The following PSMG2 variants were observed in gnomAD, a reference collection of about 807,000 sequenced individuals.
The protein encoded by PSMG2 is CD40 ligand-activated specific transcript 3.
In PSMG2, 21 loss-of-function variants were observed where a neutral mutation model predicts 31.5. The observed-to-expected ratio is 0.67, with a 90% CI of 0.47 to 0.96. The LOEUF (loss-of-function observed/expected upper bound fraction) is 0.96. Ranked by LOEUF, PSMG2 falls within the 40% of genes least tolerant of loss-of-function variation. PSMG2 has a pLI of 0.00. For synonymous variants in PSMG2, 120 were observed against 110.4 expected, an observed-to-expected ratio of 1.09 and a Z score of -0.54; for missense variants, 318 against 321.2, an observed-to-expected ratio of 0.99 and a Z score of 0.08.
intron 2 of PSMG2, among the ~76,000 whole-genome samples, chr18:12,707,707 A>G (rs1392141317): frequency 6.6e-6 from 1 of 152,220 alleles, no homozygotes; most frequent in African/African-American, 2.4e-5. Context: ...TTTGATGGCT[A>G]ACTGTTCTGG....
rs544042587 is a variant in PSMG2 at position 12,725,734 on chromosome 18, T to A, written c.*203T>A. On this transcript the variant is annotated 3_prime_UTR_variant, in exon 7 of 7. Coordinates refer to ENST00000317615, the MANE Select transcript of PSMG2 (RefSeq NM_020232.5). Reference sequence around the variant, plus strand: ...TTTTGTACAATAAAATTTTATTTCCTAAGTAATTTTGTCTTAAATGTATTT... The same window carrying A: ...TTTTGTACAATAAAATTTTATTTCCAAAGTAATTTTGTCTTAAATGTATTT... 4.8e-6 allele frequency: 2 copies of A among 417,792 alleles called. No individual in the cohort carries two copies. Among genetic ancestry groups the A allele is most frequent in the African/African-American group, 4.1e-5 (2 of 48,668 alleles). The allele number at this position is 417,792 out of a possible 1,614,324, so 25.9% of individuals were successfully genotyped here.
At chr18:12,704,002 TTGGAGTGGTATAAGGC>T (rs1367584613) in intron 1 of PSMG2, among the ~76,000 whole-genome samples, 1 of 152,066 alleles carries the variant, frequency 6.6e-6, no homozygotes, top group African/African-American at 2.4e-5. Context: ...AATGCACTGT[TTGGAGTGGTATAAGGC>T]TGGAGAGAGC....
intron 1 of PSMG2, among the ~76,000 whole-genome samples, chr18:12,683,203 A>AAAAAAAAAAAAAAAAAC (rs2044105607): frequency 6.7e-6 from 1 of 148,458 alleles, no homozygotes; most frequent in Non-Finnish European, 1.5e-5. Flanking sequence ...AAAAAAAAAA[A>AAAAAAAAAAAAAAAAAC]AGCCAGGCAT....
intron 1 of PSMG2, among the ~76,000 whole-genome samples, chr18:12,693,415 G>A (rs2039837017): frequency 6.6e-6 from 1 of 151,522 alleles, no homozygotes; most frequent in South Asian, 2.1e-4. Flanking sequence ...GTGAGATGCT[G>A]TCTCTAAAAA....
chr18:12,683,283 CG>C (rs907841579), intron 1 of PSMG2, among the ~76,000 whole-genome samples: 11 of 149,548 alleles, frequency 7.4e-5, no homozygotes, highest in Admixed American at 6.7e-4. Flanking sequence ...GGCTGGGAGG[CG>C]GAGGTTGCAG....
Position 12,707,016 on chromosome 18 carries a change from C to T in PSMG2, c.229+295C>T, listed in dbSNP as rs527949641. Among the ~76,000 whole-genome samples the T allele has an allele frequency of 2.3e-3, 352 of 152,128 alleles. 3 individuals carry two copies. Among genetic ancestry groups the T allele is most frequent in the South Asian group, 0.014 (69 of 4,832 alleles). ...TCTTGCCCAGGCTGGAGTGCAGTGA[C>T]GCGATCTCCGCTCACTGCAAGCTCC... is the stretch of plus-strand genomic sequence containing the variant. On this transcript the variant is annotated intron_variant, in intron 2 of 6. Transcript: ENST00000317615.
At chr18:12,662,961 C>T (rs1213662206) in intron 1 of PSMG2, among the ~76,000 whole-genome samples, 6 of 152,080 alleles carry the variant, frequency 3.9e-5, no homozygotes, top group Non-Finnish European at 7.4e-5. Flanking sequence ...AAATGTATGA[C>T]GTTCTGATCT....
chr18:12,722,179 A>G (rs954634261), intron 5 of PSMG2, among the ~76,000 whole-genome samples: 2 of 152,196 alleles, frequency 1.3e-5, no homozygotes, highest in Non-Finnish European at 2.9e-5. Context: ...TCTGACCAAG[A>G]CAGAGTAACT....
chr18:12,703,248 C>T (rs1274671418), intron 1 of PSMG2, 84 bp downstream of exon 1: 3 of 1,422,814 alleles, frequency 2.1e-6, no homozygotes, highest in East Asian at 2.7e-5. Flanking sequence ...TTGGCGGTGC[C>T]TTGGGAGAAA....
chr18:12,678,327 A>C, intron 1 of PSMG2: 1 of 1,614,152 alleles, frequency 6.2e-7, no homozygotes, highest in Non-Finnish European at 8.5e-7. Context: ...GAGGGTTGAC[A>C]ATTTCCCAGG....
At chr18:12,711,682 C>A (rs1366705794) in intron 2 of PSMG2, among the ~76,000 whole-genome samples, 2 of 152,000 alleles carry the variant, frequency 1.3e-5, no homozygotes, top group African/African-American at 4.8e-5. Flanking sequence ...CCAACACTTA[C>A]CCCTTAGCAC....
chr18:12,672,293 T>G (rs1230139189), intron 1 of PSMG2, among the ~76,000 whole-genome samples: 1 of 151,794 alleles, frequency 6.6e-6, no homozygotes, highest in African/African-American at 2.4e-5. Context: ...TTTTCGTATT[T>G]TTAGTAGAGA....
intron 1 of PSMG2, among the ~76,000 whole-genome samples, chr18:12,693,361 T>C (rs1205081231): frequency 6.6e-6 from 1 of 151,404 alleles, no homozygotes; most frequent in African/African-American, 2.4e-5. Flanking sequence ...GAGTCTGAGG[T>C]TTCAGTGAGC....
chr18:12,673,206 AT>A (rs1568008246), intron 1 of PSMG2: 16 of 1,336,300 alleles, frequency 1.2e-5, no homozygotes, highest in East Asian at 5.9e-5. Flanking sequence ...GGAATGCATG[AT>A]TTTTTTTAAA....
intron 1 of PSMG2, chr18:12,673,424 G>A: frequency 3.7e-6 from 6 of 1,604,858 alleles, no homozygotes; most frequent in Non-Finnish European, 5.1e-6. Context: ...GCAGATTCAG[G>A]GTAAGTAAAT....
At chr18:12,672,964 T>C (rs2144974175) in intron 1 of PSMG2, 1 of 985,674 alleles carries the variant, frequency 1.0e-6, no homozygotes, top group Middle Eastern at 5.2e-4. Flanking sequence ...TATAAAATAA[T>C]TCCATTAACC....
chr18:12,705,472 G>C (rs1032024518), intron 1 of PSMG2, among the ~76,000 whole-genome samples: 1 of 151,850 alleles, frequency 6.6e-6, no homozygotes. Context: ...ACGTCCATTA[G>C]GTTGTGGAGC....
chr18:12,686,989 T>G (rs1174094260), intron 1 of PSMG2, among the ~76,000 whole-genome samples: 1 of 152,166 alleles, frequency 6.6e-6, no homozygotes, highest in Non-Finnish European at 1.5e-5. Flanking sequence ...AAAAACACTC[T>G]AGAAAAAGTT....
At chr18:12,703,310 G>T in intron 1 of PSMG2, 146 bp downstream of exon 1, 1 of 979,326 alleles carries the variant, frequency 1.0e-6, no homozygotes. Flanking sequence ...CAGGGAGGTT[G>T]TAGCCGGAGG....
Sources: allele counts gnomAD v4.1 joint callset (sites outside exome capture counted in the v4.1 genomes callset), GRCh38; gene constraint gnomAD v4.1.1; transcripts MANE v1.5; gene names NCBI Gene and HGNC (gene_info 2026-07-23, HGNC 2026-07-21).